ERCC6: variants seen among roughly 807,000 people sequenced by gnomAD.
The protein encoded by ERCC6 is ERCC excision repair 6, chromatin remodeling factor.
A neutral mutation model predicts 158.7 loss-of-function variants in ERCC6; 116 were observed. The ratio of observed to expected loss-of-function variants is 0.73; its 90% CI spans 0.63 to 0.85. The LOEUF (loss-of-function observed/expected upper bound fraction) is 0.85. Ranked by LOEUF, ERCC6 falls within the 40% of genes least tolerant of loss-of-function variation. The probability of loss-of-function intolerance (pLI) is 0.00; values close to 1 mark genes in which losing one functional copy is unlikely to be tolerated. For missense variants in ERCC6, 1,698 were observed against 1,799.4 expected, an observed-to-expected ratio of 0.94 and a Z score of 1.02; for synonymous variants, 678 against 659.3, an observed-to-expected ratio of 1.03 and a Z score of -0.43.
At chr10:49,439,072 A>G in the ERCC6 span, among the ~76,000 whole-genome samples, 1 of 152,122 alleles carries the variant, frequency 6.6e-6, no homozygotes, top group African/African-American at 2.4e-5. Context: ...TGGTGCATCT[A>G]CCATTCTGGG....
chr10:49,502,033 C>T (rs1851364312), intron 6 of ERCC6: 1 of 151,902 alleles, frequency 6.6e-6, no homozygotes, highest in South Asian at 2.1e-4. Context: ...TGATGGGCTA[C>T]CCACCTTAAA....
At chr10:49,527,509 T>C (rs1427967942) in intron 4 of ERCC6, among the ~76,000 whole-genome samples, 1 of 152,128 alleles carries the variant, frequency 6.6e-6, no homozygotes, top group Non-Finnish European at 1.5e-5. Context: ...ACCCTGTTTC[T>C]ACTAAAAATA....
chr10:49,491,089 C>T (rs1482213969), intron 8 of ERCC6, among the ~76,000 whole-genome samples: 1 of 152,162 alleles, frequency 6.6e-6, no homozygotes, highest in Admixed American at 6.5e-5. Context: ...GAAGCAAATA[C>T]CCCTTCAGTA....
At chr10:49,472,849 G>C in intron 15 of ERCC6, 60 bp downstream of exon 15, 2 of 1,585,208 alleles carry the variant, frequency 1.3e-6, no homozygotes, top group South Asian at 2.3e-5. Flanking sequence ...AGTCAAAAGC[G>C]CTAACCATGA....
chr10:49,487,659 C>T (rs1851099626), intron 8 of ERCC6, among the ~76,000 whole-genome samples: 1 of 152,078 alleles, frequency 6.6e-6, no homozygotes, highest in South Asian at 2.1e-4. Context: ...CTGGAGCTTT[C>T]CCACAGTTAC....
At chr10:49,499,109 C>T (rs924743094) in intron 7 of ERCC6, among the ~76,000 whole-genome samples, 1 of 152,136 alleles carries the variant, frequency 6.6e-6, no homozygotes, top group African/African-American at 2.4e-5. Context: ...TCAACTTTTC[C>T]TTTGGTCTGG....
At chr10:49,470,098 T>A in intron 18 of ERCC6, 84 bp downstream of exon 18, 2 of 1,177,166 alleles carry the variant, frequency 1.7e-6, no homozygotes, top group South Asian at 2.4e-5. Flanking sequence ...CTATGCACCA[T>A]CAGTTAAAGA....
intron 19 of ERCC6, among the ~76,000 whole-genome samples, chr10:49,460,860 G>GC (rs1384233737): frequency 6.6e-6 from 1 of 151,716 alleles, no homozygotes; most frequent in Non-Finnish European, 1.5e-5. Flanking sequence ...CTGCACTCCA[G>GC]CCCGGGCGAA....
chr10:49,466,678 G>A (rs536274977), intron 18 of ERCC6, among the ~76,000 whole-genome samples: 1 of 152,186 alleles, frequency 6.6e-6, no homozygotes, highest in Admixed American at 6.5e-5. Context: ...ATGACTGTGT[G>A]TTTTCTAGAA....
At chr10:49,450,170 A>T (rs1439639720), downstream of ERCC6, among the ~76,000 whole-genome samples, 1 of 152,222 alleles carries the variant, frequency 6.6e-6, no homozygotes, top group Non-Finnish European at 1.5e-5. Context: ...TACCCAGCCA[A>T]CTTTTTAAAT....
chr10:49,450,637 C>G (rs10776573), downstream of ERCC6, among the ~76,000 whole-genome samples: 134,913 of 152,222 alleles, frequency 0.89, 59,833 homozygotes, highest in East Asian at 1. Context: ...ATGAACATGG[C>G]ATGTTTTTCC....
At position 49,470,326 on chromosome 10, in the gene ERCC6, A is replaced by T. The variant is rs886042655; in HGVS notation, c.3634T>A (p.Cys1212Ser). 11 of 1,614,144 alleles carry T rather than the reference A, an allele frequency of 6.8e-6. No individual in the cohort carries two copies. Among genetic ancestry groups the T allele is most frequent in the Non-Finnish European group, 9.3e-6 (11 of 1,180,012 alleles). Residue 1212 changes from cysteine to serine, a missense_variant, in exon 18 of 21, where the codon TGC (cysteine) becomes AGC (serine). Physicochemically the swap from Cys to Ser is moderately radical, Grantham distance 112. Transcript: ENST00000355832. ...PKQKPKNSKH[C>S]RDAKFEGTRI... is the part of the protein sequence containing the mutation. ...GTTCCTTCAAACTTGGCGTCTCTGC[A>T]ATGCTTAGAGTTCTTAGGCTTTTGC...
chr10:49,450,816 ATTTT>A (rs57063540), downstream of ERCC6, among the ~76,000 whole-genome samples: 4 of 146,656 alleles, frequency 2.7e-5, no homozygotes, highest in African/African-American at 5.0e-5. Flanking sequence ...TAGAAATACG[ATTTT>A]TTTTTTTTTG....
At chr10:49,483,187 A>C (rs1323891227) in intron 9 of ERCC6, among the ~76,000 whole-genome samples, 159 bp downstream of exon 9, 1 of 152,264 alleles carries the variant, frequency 6.6e-6, no homozygotes, top group Admixed American at 6.5e-5. Context: ...AAGGGCAAAA[A>C]TAAAGAGTTT....
At chr10:49,437,496 A>C in the ERCC6 span, among the ~76,000 whole-genome samples, 20 of 152,248 alleles carry the variant, frequency 1.3e-4, no homozygotes, top group African/African-American at 4.3e-4. Flanking sequence ...AAAACTGAGA[A>C]TAGTGTTTAC....
chr10:49,459,524 G>A (rs1203236603), intron 20 of ERCC6, among the ~76,000 whole-genome samples: 1 of 152,142 alleles, frequency 6.6e-6, no homozygotes, highest in African/African-American at 2.4e-5. Context: ...CAGAGTGGAG[G>A]CTTCCAGGCA....
chr10:49,504,103 T>A (rs1253705133), intron 6 of ERCC6: 1 of 152,176 alleles, frequency 6.6e-6, no homozygotes, highest in Non-Finnish European at 1.5e-5. Flanking sequence ...CTATACCCTG[T>A]CAATTCAATT....
intron 1 of ERCC6, among the ~76,000 whole-genome samples, chr10:49,535,595 A>G (rs1015392989): frequency 6.6e-5 from 10 of 152,230 alleles, no homozygotes; most frequent in African/African-American, 2.4e-4. Context: ...TTGTACACAC[A>G]TGAGGATTTC....
chr10:49,480,066 G>A (rs1405943938), intron 10 of ERCC6, among the ~76,000 whole-genome samples: 1 of 152,184 alleles, frequency 6.6e-6, no homozygotes, highest in Non-Finnish European at 1.5e-5. Context: ...GGAATAAAGA[G>A]GGTCAACTAG....
Sources: allele counts gnomAD v4.1 joint callset (sites outside exome capture counted in the v4.1 genomes callset), GRCh38; gene constraint gnomAD v4.1.1; transcripts MANE v1.5; gene names NCBI Gene and HGNC (gene_info 2026-07-23, HGNC 2026-07-21).